Variants in USP30 observed in about 807,000 individuals in gnomAD.
USP30 encodes the protein ubiquitin specific peptidase 30, also known as ubiquitin carboxyl-terminal hydrolase 30.
In USP30, 41 loss-of-function variants were observed where a neutral mutation model predicts 68.2. That is an observed-to-expected ratio of 0.60 (90% CI 0.47 to 0.78). The LOEUF (loss-of-function observed/expected upper bound fraction) is 0.78, where lower values mean the gene tolerates loss of function less well. Ranked by LOEUF, USP30 falls within the 30% of genes least tolerant of loss-of-function variation. USP30 has a pLI of 0.00. For synonymous variants in USP30, 229 were observed against 253.7 expected, an observed-to-expected ratio of 0.90 and a Z score of 0.93; for missense variants, 522 against 649.4, an observed-to-expected ratio of 0.80 and a Z score of 2.13.
chr12:109,025,169 G>A (rs1263582031), intron 2 of USP30: 1 of 152,140 alleles, frequency 6.6e-6, no homozygotes, highest in Non-Finnish European at 1.5e-5. Context: ...ACTTACATGT[G>A]TGGCCCCCTT....
chr12:109,049,141 C>T (rs537128109), upstream of USP30, among the ~76,000 whole-genome samples: 16 of 152,178 alleles, frequency 1.1e-4, no homozygotes, highest in Non-Finnish European at 2.1e-4. Flanking sequence ...AGGAAATTTT[C>T]CTTTGAATTC....
chr12:109,084,947 T>C lies in USP30; in HGVS notation c.1169-6T>C. ...TTTCATTGACTCGGGCCTTTTTCTC[T>C]TGCAGTTCTGAATCAGCCAGGGGCC... On this transcript the variant is annotated splice_region_variant and splice_polypyrimidine_tract_variant and intron_variant, in intron 11 of 12. Transcript: ENST00000257548. 6.3e-7 allele frequency: 1 copy of C among 1,575,574 alleles called. No homozygotes were observed. The highest frequency in any genetic ancestry group is 8.6e-7 in the Non-Finnish European group (1 of 1,158,824).
chr12:109,068,361 A>C (rs1167109825), intron 4 of USP30, among the ~76,000 whole-genome samples: 2 of 152,186 alleles, frequency 1.3e-5, no homozygotes, highest in Non-Finnish European at 2.9e-5. Context: ...TGGACCTCCC[A>C]AAACTGTGGG....
At chr12:109,026,633 AATTTTTGT>A (rs1212731300) in intron 2 of USP30, among the ~76,000 whole-genome samples, 1 of 150,234 alleles carries the variant, frequency 6.7e-6, no homozygotes, top group Non-Finnish European at 1.5e-5. Flanking sequence ...ATGCCCACCT[AATTTTTGT>A]ATTTTTTCTG....
chr12:109,069,260 C>G (rs1305239772), intron 4 of USP30, among the ~76,000 whole-genome samples: 1 of 152,214 alleles, frequency 6.6e-6, no homozygotes, highest in Non-Finnish European at 1.5e-5. Flanking sequence ...AGATCCACCT[C>G]CATCCTTTCT....
intron 1 of USP30, chr12:109,054,010 A>G (rs2040759065): frequency 2.2e-6 from 1 of 455,858 alleles, no homozygotes; most frequent in Admixed American, 2.3e-5. Flanking sequence ...GTGATAGTAG[A>G]ACCTGCATCT....
At chr12:109,030,737 C>T (rs1367600420) in intron 3 of USP30, among the ~76,000 whole-genome samples, 1 of 152,100 alleles carries the variant, frequency 6.6e-6, no homozygotes. Context: ...TGCCTAAGTC[C>T]CCCGACTAAC....
chr12:109,083,871 C>G (rs912767934), intron 11 of USP30, among the ~76,000 whole-genome samples: 1 of 152,116 alleles, frequency 6.6e-6, no homozygotes, highest in Non-Finnish European at 1.5e-5. Context: ...GACACCTCAT[C>G]ATGTCAGGGA....
intron 5 of USP30, 46 bp from the exon 6 acceptor site, chr12:109,072,259 A>AT: frequency 1.9e-6 from 3 of 1,574,368 alleles, no homozygotes; most frequent in Non-Finnish European, 2.6e-6. Context: ...GGTGAAAGGG[A>AT]TTATAGTAAG....
upstream of USP30, among the ~76,000 whole-genome samples, chr12:109,050,863 C>T (rs748443958): frequency 6.6e-6 from 1 of 151,898 alleles, no homozygotes; most frequent in Non-Finnish European, 1.5e-5. Context: ...AAAAATTAGC[C>T]GGGCGTGGTG....
Position 109,073,503 on chromosome 12 carries a change from A to G in USP30, c.691A>G (p.Asn231Asp). 1 of 1,613,842 alleles carries G rather than the reference A, an allele frequency of 6.2e-7. No homozygotes were observed. Among genetic ancestry groups the G allele is most frequent in the East Asian group, 2.2e-5 (1 of 44,888 alleles). ...TCCTTTTCATGGAAGACTCACTAGTAATATGGTCTGCAAACACTGTGAACA... is the reference window on the plus strand; with the variant it reads ...TCCTTTTCATGGAAGACTCACTAGTGATATGGTCTGCAAACACTGTGAACA... ...QHPFHGRLTSNMVCKHCEHQS... is the reference protein window; with the variant it reads ...QHPFHGRLTSDMVCKHCEHQS... Residue 231 changes from asparagine to aspartate, a missense_variant, in exon 7 of 13, where the codon AAT (asparagine) becomes GAT (aspartate). Asn to Asp is a conservative substitution (Grantham distance 23). Transcript: ENST00000257548.
At chr12:109,076,218 C>G (rs2041599096) in intron 7 of USP30, among the ~76,000 whole-genome samples, 1 of 152,104 alleles carries the variant, frequency 6.6e-6, no homozygotes, top group Non-Finnish European at 1.5e-5. Context: ...TTGTTTGCCA[C>G]TAGTATATAG....
chr12:109,044,829 T>C (rs1426315358), intron 3 of USP30, among the ~76,000 whole-genome samples: 1 of 152,122 alleles, frequency 6.6e-6, no homozygotes, highest in Non-Finnish European at 1.5e-5. Context: ...GCTCTACCTA[T>C]ACCTCTCACA....
intron 3 of USP30, among the ~76,000 whole-genome samples, chr12:109,065,190 TC>T (rs2041208643): frequency 6.6e-6 from 1 of 152,190 alleles, no homozygotes; most frequent in African/African-American, 2.4e-5. Context: ...TCACTGAACT[TC>T]CAGAAACTGC....
chr12:109,051,468 T>A (rs1415136155), upstream of USP30, among the ~76,000 whole-genome samples: 3 of 150,274 alleles, frequency 2.0e-5, no homozygotes, highest in South Asian at 2.1e-4. Context: ...ATATTGGCCA[T>A]GCTGGTCTCG....
intron 3 of USP30, among the ~76,000 whole-genome samples, chr12:109,031,579 C>A (rs1348502450): frequency 2.6e-5 from 4 of 152,134 alleles, no homozygotes; most frequent in African/African-American, 9.7e-5. Context: ...TTCACAATAG[C>A]CAAACAGTGG....
chr12:109,064,207 T>C (rs1265932135), intron 3 of USP30, among the ~76,000 whole-genome samples: 1 of 152,138 alleles, frequency 6.6e-6, no homozygotes, highest in Non-Finnish European at 1.5e-5. Flanking sequence ...TTAGAAGTTC[T>C]GAGTTCATAT....
intron 3 of USP30, among the ~76,000 whole-genome samples, chr12:109,043,680 G>A (rs979526033): frequency 6.6e-6 from 1 of 152,102 alleles, no homozygotes; most frequent in Non-Finnish European, 1.5e-5. Context: ...TGATTTCTTG[G>A]ATATGACACC....
At chr12:109,083,737 C>T (rs2041870850) in intron 11 of USP30, among the ~76,000 whole-genome samples, 1 of 152,092 alleles carries the variant, frequency 6.6e-6, no homozygotes, top group Admixed American at 6.5e-5. Context: ...TTGAAGGGCT[C>T]ACAGCCTGAA....
Sources: allele counts gnomAD v4.1 joint callset (sites outside exome capture counted in the v4.1 genomes callset), GRCh38; gene constraint gnomAD v4.1.1; transcripts MANE v1.5; gene names NCBI Gene and HGNC (gene_info 2026-07-23, HGNC 2026-07-21).